The following ZNF253 variants were observed in gnomAD, a reference collection of about 807,000 sequenced individuals.
The protein encoded by ZNF253 is DNA-binding protein.
Under a neutral mutation model 11.9 loss-of-function variants are expected in ZNF253, and 8 were observed. The ratio of observed to expected loss-of-function variants is 0.67; its 90% CI spans 0.40 to 1.22. The LOEUF (loss-of-function observed/expected upper bound fraction) is 1.22, where lower values mean the gene tolerates loss of function less well. Ranked by LOEUF, ZNF253 falls within the 50% of genes most tolerant of loss-of-function variation. The pLI, the probability that ZNF253 is intolerant of heterozygous loss-of-function variation, is 0.01. For synonymous variants in ZNF253, 194 were observed against 194.9 expected (o/e 1.00, Z 0.04); for missense variants, 485 against 586.9 (o/e 0.83, Z 1.79).
In ZNF253 at chr19:19,878,616, A is replaced by G. The variant is rs770185224; in HGVS notation, c.130+9A>G. The G allele has an allele frequency of 6.2e-7, 1 of 1,607,428 alleles. No homozygotes were observed. Among genetic ancestry groups the G allele is most frequent in the South Asian group, 1.1e-5 (1 of 89,818 alleles). Reference sequence around the variant, plus strand: ...AAACTTGGTCTTCCTTGGTGAGGACAACTTGAATATATAATTCATAATATA... The same window carrying G: ...AAACTTGGTCTTCCTTGGTGAGGACGACTTGAATATATAATTCATAATATA... On this transcript the variant is annotated intron_variant, in intron 2 of 3. Transcript: ENST00000589717.
rs374727755 is a variant in ZNF253 at position 19,891,750 on chromosome 19, G to C, written c.503G>C (p.Gly168Ala). ...NSNTYKTRHT[G>A]INLFKCIICG... ...AACACATATAAGACAAGACATACTGGAATAAATCTTTTCAAATGTATAATA... is the reference window on the plus strand; with the variant it reads ...AACACATATAAGACAAGACATACTGCAATAAATCTTTTCAAATGTATAATA... The change falls in exon 4 of 4, where the codon GGA becomes GCA. Residue 168 changes from glycine to alanine, a missense_variant. Coordinates refer to ENST00000589717, the MANE Select transcript of ZNF253 (RefSeq NM_021047.3). 1 of 1,614,060 alleles carries C rather than the reference G, an allele frequency of 6.2e-7. No homozygotes were observed.
At chr19:19,884,881 C>G (rs1372951477) in intron 3 of ZNF253, among the ~76,000 whole-genome samples, 1 of 151,932 alleles carries the variant, frequency 6.6e-6, no homozygotes, top group African/African-American at 2.4e-5. Flanking sequence ...TTTCATTTCT[C>G]TACAAATTAG....
intron 1 of ZNF253, among the ~76,000 whole-genome samples, chr19:19,868,453 C>G (rs147413919): frequency 6.6e-6 from 1 of 152,122 alleles, no homozygotes; most frequent in Non-Finnish European, 1.5e-5. Context: ...ATGGAGAATT[C>G]TTTCCACATT....
At chr19:19,876,711 G>C (rs747749029) in intron 1 of ZNF253, among the ~76,000 whole-genome samples, 3 of 152,130 alleles carry the variant, frequency 2.0e-5, no homozygotes, top group Non-Finnish European at 4.4e-5. Context: ...AGAAGCAAGA[G>C]AGGGAAAAGT....
In ZNF253 at chr19:19,893,002, A is replaced by C. The variant is rs1180299824; in HGVS notation, c.*255A>C. ...CTCAATTCCTTTTTTTTTGAGATGG[A>C]GTTTCACTCTTGTCACCGAGGCTGG... On this transcript the variant is annotated 3_prime_UTR_variant, in exon 4 of 4. Coordinates refer to ENST00000589717, the MANE Select transcript of ZNF253 (RefSeq NM_021047.3). 19 of 412,510 alleles carry C rather than the reference A, an allele frequency of 4.6e-5. No homozygotes were observed. In the East Asian group the frequency reaches 7.1e-4, roughly 15 times the overall value. 25.6% of individuals were successfully genotyped at this position (412,510 alleles called of 1,614,324 possible).
chr19:19,880,838 C>A (rs901097397), intron 3 of ZNF253, among the ~76,000 whole-genome samples: 1 of 151,350 alleles, frequency 6.6e-6, no homozygotes, highest in African/African-American at 2.4e-5. Context: ...TGCATCAGGT[C>A]TGAAATGCGT....
At chr19:19,867,465 A>G (rs531811214) in intron 1 of ZNF253, among the ~76,000 whole-genome samples, 1 of 152,084 alleles carries the variant, frequency 6.6e-6, no homozygotes, top group South Asian at 2.1e-4. Context: ...GGCTCAAGCA[A>G]TTCTCTCCTA....
Position 19,866,087 on chromosome 19 carries a change from G to T in ZNF253, c.3+88G>T, listed in dbSNP as rs546998052. The T allele has an allele frequency of 1.1e-5, 17 of 1,566,778 alleles. No individual in the cohort carries two copies. The East Asian group carries it at 1.6e-4, about 14-fold the overall frequency. On this transcript the variant is annotated intron_variant, in intron 1 of 3. Coordinates refer to ENST00000589717, the MANE Select transcript of ZNF253 (RefSeq NM_021047.3). Reference sequence around the variant, plus strand: ...TCTGGCGGGACTCTGCTTCCTCACAGTCAGCTCCACAATCTGCCGCCGGAG... The same window carrying T: ...TCTGGCGGGACTCTGCTTCCTCACATTCAGCTCCACAATCTGCCGCCGGAG...
chr19:19,888,939 T>A (rs1050873712), intron 3 of ZNF253, among the ~76,000 whole-genome samples: 1 of 152,180 alleles, frequency 6.6e-6, no homozygotes, highest in Non-Finnish European at 1.5e-5. Flanking sequence ...TTGGAAGGAC[T>A]CCTTTTTATA....
intron 3 of ZNF253, among the ~76,000 whole-genome samples, chr19:19,883,547 G>T (rs1390365794): frequency 1.3e-5 from 2 of 152,050 alleles, no homozygotes; most frequent in Non-Finnish European, 2.9e-5. Flanking sequence ...TACATTGCAG[G>T]TTGGGGGACA....
chr19:19,867,259 C>T (rs1443682584), intron 1 of ZNF253, among the ~76,000 whole-genome samples: 2 of 152,192 alleles, frequency 1.3e-5, no homozygotes, highest in East Asian at 3.8e-4. Context: ...TAATGGTCTA[C>T]AGCTTTATTG....
chr19:19,873,266 T>C (rs2063142144), intron 1 of ZNF253, among the ~76,000 whole-genome samples: 1 of 152,184 alleles, frequency 6.6e-6, no homozygotes, highest in Non-Finnish European at 1.5e-5. Flanking sequence ...AATGGGATAC[T>C]GGAGTAGAGT....
At chr19:19,884,804 G>A (rs1446213118) in intron 3 of ZNF253, among the ~76,000 whole-genome samples, 3 of 151,944 alleles carry the variant, frequency 2.0e-5, no homozygotes, top group Non-Finnish European at 4.4e-5. Context: ...CAGATTTGGT[G>A]TATCAAAAAA....
chr19:19,890,541 T>TGTGA (rs1207129318), intron 3 of ZNF253, among the ~76,000 whole-genome samples: 64 of 148,444 alleles, frequency 4.3e-4, no homozygotes, highest in African/African-American at 1.4e-3. Context: ...TGTGTGTGTG[T>TGTGA]GACAGAGTCT....
Position 19,891,857 on chromosome 19 carries a change from G to A in ZNF253, c.610G>A (p.Glu204Lys), listed in dbSNP as rs780238274. The stretch of plus-strand genomic sequence containing the variant: ...TGGAGAGAAACCTTACAGATGTGAA[G>A]AATGTGGCAAAGCTTTTAACCAATC... The part of the protein sequence containing the change: ...HTGEKPYRCE[E>K]CGKAFNQSAN... The change falls in exon 4 of 4, where the codon GAA becomes AAA. Residue 204 changes from glutamate (E) to lysine (K), a missense_variant. By Grantham distance (56) the Glu-to-Lys change is moderately conservative. Transcript: ENST00000589717. The A allele has an allele frequency of 8.1e-6, 13 of 1,614,116 alleles. No homozygotes were observed. The highest frequency in any genetic ancestry group is 1.6e-4 in the Middle Eastern group (1 of 6,062).
intron 3 of ZNF253, among the ~76,000 whole-genome samples, chr19:19,890,498 TTGTGTG>T (rs35114806): frequency 0.022 from 3,110 of 141,006 alleles, 43 homozygotes; most frequent in African/African-American, 0.032. Flanking sequence ...CAATTTATAT[TTGTGTG>T]TGTGTGTGTG....
At chr19:19,879,336 A>G (rs1329353326) in intron 2 of ZNF253, among the ~76,000 whole-genome samples, 2 of 152,200 alleles carry the variant, frequency 1.3e-5, no homozygotes, top group African/African-American at 2.4e-5. Flanking sequence ...TTTTAACTAT[A>G]ATTTTTCTCT....
Position 19,892,242 on chromosome 19 carries a change from G to T in ZNF253, c.995G>T (p.Arg332Ile), listed in dbSNP as rs775709174. The change falls in exon 4 of 4, where the codon AGA becomes ATA. Residue 332 changes from arginine to isoleucine, a missense_variant. Coordinates refer to ENST00000589717, the MANE Select transcript of ZNF253 (RefSeq NM_021047.3). ...KHCSNLTIHKRIHTGEKPYKC... is the reference protein window; with the variant it reads ...KHCSNLTIHKIIHTGEKPYKC... ...TGCTCTAACCTTACTATACATAAGA[G>T]AATTCATACAGGAGAGAAACCCTAC... The T allele has an allele frequency of 5.0e-5, 81 of 1,609,692 alleles. No homozygotes were observed. The South Asian group carries it at 7.4e-4, about 15-fold the overall frequency.
At chr19:19,877,533 G>A (rs183675166) in intron 1 of ZNF253, among the ~76,000 whole-genome samples, 4 of 152,066 alleles carry the variant, frequency 2.6e-5, no homozygotes, top group Middle Eastern at 3.4e-3. Context: ...GTGCCACAAC[G>A]CCCAGCTAAT....
Sources: gnomAD v4.1 joint callset for allele counts (sites outside exome capture counted in the v4.1 genomes callset) on GRCh38, gnomAD v4.1.1 for gene constraint, MANE v1.5 for transcripts, NCBI Gene and HGNC (gene_info 2026-07-23, HGNC 2026-07-21) for gene names.